Variants in DIAPH3 observed in about 807,000 individuals in gnomAD.
The protein encoded by DIAPH3 is diaphanous related formin 3.
DIAPH3 carries 117 observed loss-of-function variants against 144.3 expected under a neutral mutation model. That is an observed-to-expected ratio of 0.81 (90% CI 0.70 to 0.95). DIAPH3 has a LOEUF of 0.95. DIAPH3 is among the 40% of genes least tolerant of loss of function. The pLI is 0.00. For missense variants in DIAPH3, 1,421 were observed against 1,412.7 expected (o/e 1.01, Z -0.09); for synonymous variants, 519 against 488.9 (o/e 1.06, Z -0.81).
chr13:60,113,918 G>C (rs2058635158), intron 2 of DIAPH3, among the ~76,000 whole-genome samples: 1 of 152,208 alleles, frequency 6.6e-6, no homozygotes, highest in African/African-American at 2.4e-5. Flanking sequence ...TTCACCAACT[G>C]AATGCGGTAG....
At chr13:59,866,337 CAT>C (rs1283944446) in intron 21 of DIAPH3, among the ~76,000 whole-genome samples, 2 of 152,056 alleles carry the variant, frequency 1.3e-5, no homozygotes, top group African/African-American at 2.4e-5. Flanking sequence ...GATTGGAACA[CAT>C]GTCTGTGTGA....
chr13:59,872,747 TC>T (rs1259335875), intron 21 of DIAPH3, among the ~76,000 whole-genome samples: 1 of 152,244 alleles, frequency 6.6e-6, no homozygotes, highest in Non-Finnish European at 1.5e-5. Context: ...ATGGTAATAT[TC>T]ACCTTCGGTG....
chr13:59,920,505 CAT>C (rs79114063), intron 18 of DIAPH3, among the ~76,000 whole-genome samples: 5,521 of 151,376 alleles, frequency 0.036, 133 homozygotes, highest in East Asian at 0.073. Context: ...CACTTGTAAA[CAT>C]ATATATGTGT....
chr13:59,747,671 C>T (rs2036773640), intron 27 of DIAPH3, among the ~76,000 whole-genome samples: 1 of 152,156 alleles, frequency 6.6e-6, no homozygotes, highest in South Asian at 2.1e-4. Flanking sequence ...AAGATTTCCT[C>T]TTGGGCTTCA....
chr13:59,714,636 C>A (rs2034957725), intron 27 of DIAPH3, among the ~76,000 whole-genome samples: 1 of 152,078 alleles, frequency 6.6e-6, no homozygotes, highest in Admixed American at 6.5e-5. Context: ...TAATAAGATG[C>A]CACATCCTCA....
intron 3 of DIAPH3, among the ~76,000 whole-genome samples, chr13:60,096,989 T>C (rs1380202120): frequency 6.6e-6 from 1 of 152,174 alleles, no homozygotes; most frequent in East Asian, 1.9e-4. Flanking sequence ...TCCCCTCTCA[T>C]ATAGACAGGC....
chr13:60,139,067 A>C (rs931836094), intron 1 of DIAPH3, among the ~76,000 whole-genome samples: 2 of 152,236 alleles, frequency 1.3e-5, no homozygotes, highest in Non-Finnish European at 2.9e-5. Flanking sequence ...ATGAAAATTT[A>C]AAGTAATATT....
intron 27 of DIAPH3, among the ~76,000 whole-genome samples, chr13:59,687,804 A>G (rs981250945): frequency 1.3e-5 from 2 of 152,120 alleles, no homozygotes; most frequent in African/African-American, 4.8e-5. Flanking sequence ...ACCACATGCC[A>G]TTATTACCCA....
chr13:59,826,728 A>G lies in DIAPH3; in HGVS notation c.3027+6379T>C, dbSNP rs988565378. Among the ~76,000 whole-genome samples, 480 of 152,146 alleles carry G rather than the reference A, an allele frequency of 3.2e-3. 2 individuals carry two copies. The highest frequency in any genetic ancestry group is 0.01 in the African/African-American group (422 of 41,502). On this transcript the variant is annotated intron_variant, in intron 24 of 27. Coordinates refer to ENST00000400324, the MANE Select transcript of DIAPH3 (RefSeq NM_001042517.2). ...AAAAAGAGCCCGCATCGCCAAGTCAATCCTAAGCCAAAAGAACAAAGCTGG... is the reference window on the plus strand; with the variant it reads ...AAAAAGAGCCCGCATCGCCAAGTCAGTCCTAAGCCAAAAGAACAAAGCTGG...
intron 17 of DIAPH3, among the ~76,000 whole-genome samples, chr13:59,946,222 C>A (rs1415037704): frequency 6.6e-6 from 1 of 152,034 alleles, no homozygotes; most frequent in African/African-American, 2.4e-5. Context: ...CTTTTTTGTA[C>A]TTCTGTTACA....
intron 15 of DIAPH3, among the ~76,000 whole-genome samples, chr13:59,973,919 T>C (rs1471343656): frequency 6.6e-6 from 1 of 152,118 alleles, no homozygotes; most frequent in Non-Finnish European, 1.5e-5. Flanking sequence ...ACTTTGGAAA[T>C]TGAAAAATTA....
intron 7 of DIAPH3, among the ~76,000 whole-genome samples, chr13:60,014,054 C>T (rs2053463271): frequency 6.6e-6 from 1 of 152,012 alleles, no homozygotes; most frequent in African/African-American, 2.4e-5. Flanking sequence ...GTTCAATCTT[C>T]CTCAGATTCA....
At chr13:60,032,495 A>G (rs2054880097) in intron 5 of DIAPH3, among the ~76,000 whole-genome samples, 1 of 152,158 alleles carries the variant, frequency 6.6e-6, no homozygotes, top group Admixed American at 6.5e-5. Flanking sequence ...TTAACACCAC[A>G]TGGAAGTCAC....
chr13:59,998,482 G>A (rs751944143), intron 9 of DIAPH3, among the ~76,000 whole-genome samples: 9 of 151,934 alleles, frequency 5.9e-5, no homozygotes, highest in East Asian at 1.9e-4. Flanking sequence ...GTAATTGATC[G>A]GTTAATTATG....
chr13:60,129,659 G>T (rs1294572272), intron 2 of DIAPH3, among the ~76,000 whole-genome samples: 1 of 151,824 alleles, frequency 6.6e-6, no homozygotes. Flanking sequence ...CTCAAGTTCT[G>T]ACCAAAAAAA....
At chr13:60,040,611 T>C (rs2055591675) in intron 5 of DIAPH3, among the ~76,000 whole-genome samples, 1 of 152,140 alleles carries the variant, frequency 6.6e-6, no homozygotes, top group Admixed American at 6.5e-5. Flanking sequence ...ATAATAGTAG[T>C]AGTAAATAAA....
intron 27 of DIAPH3, among the ~76,000 whole-genome samples, chr13:59,736,564 T>G (rs1218324973): frequency 1.3e-5 from 2 of 152,168 alleles, no homozygotes; most frequent in African/African-American, 4.8e-5. Context: ...TTGAGAAGTG[T>G]CATTAAAATG....
chr13:59,836,804 G>C (rs1048317025), intron 23 of DIAPH3, among the ~76,000 whole-genome samples: 1 of 151,910 alleles, frequency 6.6e-6, no homozygotes, highest in Non-Finnish European at 1.5e-5. Flanking sequence ...GTACCTCGAT[G>C]AATAAGCATT....
At chr13:60,016,443 A>T (rs73214504) in intron 5 of DIAPH3, among the ~76,000 whole-genome samples, 4 of 152,086 alleles carry the variant, frequency 2.6e-5, no homozygotes, top group Non-Finnish European at 2.9e-5. Context: ...CCACAGTGAA[A>T]GTATTCACAC....
Sources: gnomAD v4.1 joint callset for allele counts (sites outside exome capture counted in the v4.1 genomes callset) on GRCh38, gnomAD v4.1.1 for gene constraint, MANE v1.5 for transcripts, NCBI Gene and HGNC (gene_info 2026-07-23, HGNC 2026-07-21) for gene names.